WDR27: variants seen among roughly 807,000 people sequenced by gnomAD.
WDR27 encodes WD repeat domain 27.
A neutral mutation model predicts 114.4 loss-of-function variants in WDR27; 100 were observed. The observed-to-expected ratio is 0.87, with a 90% confidence interval of 0.74 to 1.03. The LOEUF (loss-of-function observed/expected upper bound fraction) is 1.03, where lower values mean the gene tolerates loss of function less well. Ranked by LOEUF, WDR27 falls within the 50% of genes least tolerant of loss-of-function variation. WDR27 has a pLI of 0.00. For synonymous variants in WDR27, 449 were observed against 423.1 expected (o/e 1.06, Z -0.75); for missense variants, 1,129 against 1,092.9 (o/e 1.03, Z -0.47).
chr6:169,500,975 C>G (rs1164551726), intron 25 of WDR27, among the ~76,000 whole-genome samples: 1 of 152,190 alleles, frequency 6.6e-6, no homozygotes, highest in Non-Finnish European at 1.5e-5. Flanking sequence ...TCCCCCGTCA[C>G]AGGTCAGAGG....
chr6:169,650,912 G>A (rs1216741701), intron 14 of WDR27, among the ~76,000 whole-genome samples: 1 of 152,134 alleles, frequency 6.6e-6, no homozygotes, highest in African/African-American at 2.4e-5. Context: ...AGGGTGCTGA[G>A]TGCTGTCCCA....
the WDR27 span, among the ~76,000 whole-genome samples, chr6:169,429,060 G>T: frequency 6.6e-6 from 1 of 152,148 alleles, no homozygotes; most frequent in Non-Finnish European, 1.5e-5. Flanking sequence ...AGAAATGATG[G>T]ATCTTGCCCT....
chr6:169,659,211 C>A lies in WDR27; in HGVS notation c.1198-4G>T, dbSNP rs771267892. 3.8e-6 allele frequency: 6 copies of A among 1,590,754 alleles called. No homozygotes were observed. In the Admixed American group the frequency reaches 1.1e-4, roughly 29 times the overall value. On this transcript the variant is annotated splice_region_variant and splice_polypyrimidine_tract_variant and intron_variant, in intron 11 of 25. Transcript: ENST00000448612. The surrounding 1 kb of genome is among the most constrained non-coding windows in gnomAD (Gnocchi z 4.3). Reference sequence around the variant, plus strand: ...GGGAGGCCAGCAAGCACAGCACCTGCAGGGACGCGGTTTCAACATCGTTAG... The same window carrying A: ...GGGAGGCCAGCAAGCACAGCACCTGAAGGGACGCGGTTTCAACATCGTTAG...
chr6:169,435,076 G>A, the WDR27 span, among the ~76,000 whole-genome samples: 2 of 152,212 alleles, frequency 1.3e-5, no homozygotes, highest in Non-Finnish European at 2.9e-5. Context: ...AGGGTCCAAG[G>A]CATAGCTTAG....
chr6:169,577,982 C>T (rs1802711868), intron 24 of WDR27, among the ~76,000 whole-genome samples: 1 of 152,154 alleles, frequency 6.6e-6, no homozygotes, highest in Non-Finnish European at 1.5e-5. Context: ...AGCCAATTCA[C>T]ATAAAAAAAT....
chr6:169,571,269 A>T lies in WDR27; in HGVS notation c.2645+1150T>A, dbSNP rs960543544. ...TTAGTCAGAAAAAAATTAAAAAAAA[A>T]ATAAATAAAAAGATGACTCAATGAA... On this transcript the variant is annotated intron_variant, in intron 25 of 25. Transcript: ENST00000448612. 3.2e-4 allele frequency among the ~76,000 whole-genome samples: 46 copies of T among 144,570 alleles called. 1 individual carries two copies. The highest frequency in any genetic ancestry group is 7.2e-3 in the Middle Eastern group (2 of 278). 94.8% of individuals were successfully genotyped at this position (144,570 alleles called of 152,430 possible). A position where few individuals can be genotyped will look rare whatever the true frequency, so the allele number is the denominator to read the frequency against.
intron 25 of WDR27, among the ~76,000 whole-genome samples, chr6:169,497,329 C>G (rs895897211): frequency 2.6e-5 from 4 of 151,974 alleles, no homozygotes; most frequent in Non-Finnish European, 5.9e-5. Flanking sequence ...GAAGAAAACA[C>G]AGGAAAAAAG....
chr6:169,468,332 T>C (rs1332962826), intron 25 of WDR27, among the ~76,000 whole-genome samples: 1 of 152,208 alleles, frequency 6.6e-6, no homozygotes, highest in Non-Finnish European at 1.5e-5. Flanking sequence ...GCTGTAAAGA[T>C]ACCCAAAGAG....
At chr6:169,673,086 T>C (rs1449907863) in intron 2 of WDR27, among the ~76,000 whole-genome samples, 1 of 151,732 alleles carries the variant, frequency 6.6e-6, no homozygotes, top group East Asian at 1.9e-4. Context: ...ATGATGGAGA[T>C]GGAGAGGAGA....
chr6:169,538,250 C>T (rs1796415678), intron 25 of WDR27, among the ~76,000 whole-genome samples: 1 of 152,146 alleles, frequency 6.6e-6, no homozygotes, highest in South Asian at 2.1e-4. Flanking sequence ...AATCACTAAC[C>T]TTACACACAT....
intron 25 of WDR27, among the ~76,000 whole-genome samples, chr6:169,554,832 T>C (rs1319830770): frequency 6.6e-6 from 1 of 152,248 alleles, no homozygotes; most frequent in Non-Finnish European, 1.5e-5. Context: ...GATTTATCAT[T>C]TTAAATGTTT....
chr6:169,511,157 C>T (rs1378793749), intron 25 of WDR27, among the ~76,000 whole-genome samples: 1 of 152,186 alleles, frequency 6.6e-6, no homozygotes, highest in Non-Finnish European at 1.5e-5. Context: ...GCAATTTCCA[C>T]ATTTCAAAAT....
intron 25 of WDR27, among the ~76,000 whole-genome samples, chr6:169,515,827 G>GATATATATT (rs1443479030): frequency 1.7e-4 from 25 of 149,444 alleles, no homozygotes; most frequent in Admixed American, 1.5e-3. Context: ...ATTTGTGAAG[G>GATATATATT]ATATATATTA....
chr6:169,643,784 C>G lies in WDR27; in HGVS notation c.1660G>C (p.Asp554His). 1 of 1,611,778 alleles carries G rather than the reference C, an allele frequency of 6.2e-7. No homozygotes were observed. Among genetic ancestry groups the G allele is most frequent in the African/African-American group, 1.3e-5 (1 of 74,968 alleles). ...AACCCACAGGCCAGCCACTGCCCAT[C>G]TCCTGTTAAAAGAATTTTAAAAAAA... ...TRVCCIQYSG[D>H]GQWLACGLAN... Residue 554 changes from aspartate (D) to histidine (H), a missense_variant and splice_region_variant, in exon 17 of 26, where the codon GAT becomes CAT. Physicochemically the swap from Asp to His is moderately conservative, Grantham distance 81. Coordinates refer to ENST00000448612, the MANE Select transcript of WDR27 (RefSeq NM_182552.5).
At chr6:169,689,647 T>A (rs983542602) in intron 1 of WDR27, among the ~76,000 whole-genome samples, 1 of 152,246 alleles carries the variant, frequency 6.6e-6, no homozygotes, top group Non-Finnish European at 1.5e-5. Flanking sequence ...CAGATCTTCA[T>A]CCAACTTTAC....
At chr6:169,698,431 C>T (rs143479425) in intron 1 of WDR27, among the ~76,000 whole-genome samples, 188 of 152,288 alleles carry the variant, frequency 1.2e-3, no homozygotes, top group South Asian at 4.6e-3. Flanking sequence ...CATACACACA[C>T]GTGTCCACGT....
intron 23 of WDR27, among the ~76,000 whole-genome samples, chr6:169,584,681 C>T (rs1372901246): frequency 6.6e-6 from 1 of 152,134 alleles, no homozygotes; most frequent in Non-Finnish European, 1.5e-5. Context: ...TTTCGTATAG[C>T]TTTTTGGCCA....
chr6:169,480,860 G>C lies in WDR27; in HGVS notation c.2646-23226C>G, dbSNP rs533141304. On this transcript the variant is annotated intron_variant, in intron 25 of 25. Transcript: ENST00000448612. ...TGCACCAATCAGCACTCTGTGTCTA[G>C]CTAAAAGTTTGTAAACGCACCAATC... Among the ~76,000 whole-genome samples the C allele has an allele frequency of 1.4e-3, 208 of 146,434 alleles. 4 individuals carry two copies. The South Asian group carries it at 0.018, about 13-fold the overall frequency.
intron 21 of WDR27, among the ~76,000 whole-genome samples, 179 bp from the exon 22 acceptor site, chr6:169,613,835 G>T (rs1031290639): frequency 6.6e-6 from 1 of 152,112 alleles, no homozygotes; most frequent in African/African-American, 2.4e-5. Context: ...GTTAATGAGG[G>T]TATATTTTGA....
Sources: allele counts gnomAD v4.1 joint callset (sites outside exome capture counted in the v4.1 genomes callset), GRCh38; gene constraint gnomAD v4.1.1; non-coding constraint Gnocchi (gnomAD v3.1); transcripts MANE v1.5; gene names NCBI Gene and HGNC (gene_info 2026-07-23, HGNC 2026-07-21).